Variants in TBPL2 observed in about 807,000 individuals in gnomAD.
The protein encoded by TBPL2 is TATA box-binding protein-like 2.
Under a neutral mutation model 38.2 loss-of-function variants are expected in TBPL2, and 40 were observed. The ratio of observed to expected loss-of-function variants is 1.05; its 90% confidence interval spans 0.81 to 1.36. The LOEUF (loss-of-function observed/expected upper bound fraction) is 1.36, where lower values mean the gene tolerates loss of function less well. TBPL2 is among the 40% of genes most tolerant of loss of function. TBPL2 has a pLI of 0.00. For missense variants in TBPL2, 461 were observed against 456.7 expected, an observed-to-expected ratio of 1.01 and a Z score of -0.09; for synonymous variants, 169 against 171.7, an observed-to-expected ratio of 0.98 and a Z score of 0.12.
At chr14:55,436,254 G>A (rs1220110784) in intron 2 of TBPL2, among the ~76,000 whole-genome samples, 7 of 152,036 alleles carry the variant, frequency 4.6e-5, no homozygotes, top group Non-Finnish European at 1.0e-4. Context: ...TATATCCTTG[G>A]TGTTTATCCA....
rs561227669 is a variant in TBPL2 at position 55,426,197 on chromosome 14, G to A, written c.957-1944C>T. Among the ~76,000 whole-genome samples, 5 of 151,944 alleles carry A rather than the reference G, an allele frequency of 3.3e-5. No homozygotes were observed. The East Asian group carries it at 9.7e-4, about 29-fold the overall frequency. Reference sequence around the variant, plus strand: ...CAGGAGAATCACTTGAACCCTGGGGGGTGGAGGTTGCAGTGAGCTGAAATC... The same window carrying A: ...CAGGAGAATCACTTGAACCCTGGGGAGTGGAGGTTGCAGTGAGCTGAAATC... On this transcript the variant is annotated intron_variant, in intron 5 of 6. Coordinates refer to ENST00000247219, the Ensembl canonical transcript of TBPL2.
At chr14:55,416,181 A>G (rs771737584) in intron 6 of TBPL2, among the ~76,000 whole-genome samples, 1 of 152,232 alleles carries the variant, frequency 6.6e-6, no homozygotes, top group African/African-American at 2.4e-5. Flanking sequence ...TATATTCACA[A>G]TACACAACCA....
In TBPL2 at chr14:55,440,398, G is replaced by A. The variant is rs779888445; in HGVS notation, c.148C>T (p.Gln50Ter). 6.2e-7 allele frequency: 1 copy of A among 1,612,934 alleles called. No individual in the cohort carries two copies. Among genetic ancestry groups the A allele is most frequent in the African/African-American group, 1.3e-5 (1 of 74,922 alleles). ...TGGGACAGTGGCGGCAGCCTCACCT[G>A]AGCGGCGCACTGGTCCAGGTAGAGC... The change falls in exon 1 of 7, where the codon CAG becomes TAG. Residue 50 changes from glutamine (Q) to a stop codon, truncating the protein, a stop_gained and splice_region_variant. Coordinates refer to ENST00000247219, the Ensembl canonical transcript of TBPL2. LOFTEE classifies it high-confidence loss of function.
intron 5 of TBPL2, among the ~76,000 whole-genome samples, chr14:55,427,769 A>G (rs1430920656): frequency 6.6e-6 from 1 of 152,014 alleles, no homozygotes; most frequent in African/African-American, 2.4e-5. Flanking sequence ...CAGGAAGGCT[A>G]GAGATATTCC....
At chr14:55,432,591 TAA>T (rs34358948) in intron 4 of TBPL2, among the ~76,000 whole-genome samples, 14 of 152,238 alleles carry the variant, frequency 9.2e-5, no homozygotes, top group Middle Eastern at 3.2e-3. Flanking sequence ...TCTGCACTTC[TAA>T]AAAGTTATTT....
At chr14:55,418,416 T>C (rs1885698145) in intron 6 of TBPL2, among the ~76,000 whole-genome samples, 1 of 152,248 alleles carries the variant, frequency 6.6e-6, no homozygotes, top group Non-Finnish European at 1.5e-5. Flanking sequence ...TAACTGCACA[T>C]ATTTTCCCGA....
In TBPL2 at chr14:55,428,937, G is replaced by GA; in HGVS notation, c.825dup (p.Arg276SerfsTer16). The GA allele has an allele frequency of 1.9e-6, 3 of 1,614,114 alleles. No individual in the cohort carries two copies. The highest frequency in any genetic ancestry group is 2.5e-6 in the Non-Finnish European group (3 of 1,180,008). On this transcript the variant is annotated frameshift_variant, in exon 5 of 7. Transcript: ENST00000247219. LOFTEE classifies it high-confidence loss of function. ...GGGAACCCAAGCTTCTGCACCACAC[G>GA]AGCATATTTTCTTGCTGCAAGTCGA...
chr14:55,419,188 C>T (rs1885708860), intron 6 of TBPL2, among the ~76,000 whole-genome samples: 1 of 152,244 alleles, frequency 6.6e-6, no homozygotes, highest in Admixed American at 6.5e-5. Flanking sequence ...GGCTCTGGAG[C>T]CTGGCTCCTC....
At chr14:55,425,169 T>A (rs1049811101) in intron 5 of TBPL2, among the ~76,000 whole-genome samples, 2 of 152,044 alleles carry the variant, frequency 1.3e-5, no homozygotes, top group Non-Finnish European at 2.9e-5. Context: ...TTGAAGTGAG[T>A]CTTGCCCATC....
intron 5 of TBPL2, among the ~76,000 whole-genome samples, chr14:55,425,480 T>C (rs1283887426): frequency 6.6e-6 from 1 of 152,224 alleles, no homozygotes; most frequent in African/African-American, 2.4e-5. Context: ...TTTAGAACCA[T>C]GGTTTTAAGA....
At chr14:55,415,372 A>C (rs1885652718) in intron 6 of TBPL2, among the ~76,000 whole-genome samples, 1 of 152,216 alleles carries the variant, frequency 6.6e-6, no homozygotes. Flanking sequence ...GGAACAAAAA[A>C]TGGCTCAGCT....
chr14:55,436,720 C>A (rs761446287), exon 2 of TBPL2: 2 of 1,614,184 alleles, frequency 1.2e-6, no homozygotes, highest in Admixed American at 3.3e-5. Context: ...ATTTGACAAA[C>A]TGCTGCTGTT....
chr14:55,415,321 T>C (rs140470374), intron 6 of TBPL2, among the ~76,000 whole-genome samples: 197 of 152,294 alleles, frequency 1.3e-3, no homozygotes, highest in Non-Finnish European at 2.4e-3. Context: ...ATAGCTTTAG[T>C]TGATAAAGAC....
At chr14:55,415,343 A>G (rs116916000) in intron 6 of TBPL2, among the ~76,000 whole-genome samples, 8 of 152,364 alleles carry the variant, frequency 5.3e-5, no homozygotes, top group Non-Finnish European at 1.2e-4. Flanking sequence ...CTTAAGAACT[A>G]TAAAGTACAT....
chr14:55,439,808 G>A (rs1005640020), intron 1 of TBPL2, among the ~76,000 whole-genome samples: 2 of 151,398 alleles, frequency 1.3e-5, no homozygotes, highest in African/African-American at 2.4e-5. Context: ...GCGGGCTCCT[G>A]TAGTCCCAGC....
At chr14:55,429,802 AAAAAAT>A (rs1885895850) in intron 4 of TBPL2, among the ~76,000 whole-genome samples, 1 of 151,686 alleles carries the variant, frequency 6.6e-6, no homozygotes, top group African/African-American at 2.4e-5. Flanking sequence ...AAACAACAAG[AAAAAAT>A]AAGGACACAT....
intron 6 of TBPL2, among the ~76,000 whole-genome samples, chr14:55,418,973 CCA>C (rs1465828035): frequency 6.6e-6 from 1 of 152,222 alleles, no homozygotes; most frequent in Non-Finnish European, 1.5e-5. Context: ...CTCACCAAGG[CCA>C]CACAGTCAAT....
At chr14:55,436,567 T>G in exon 2 of TBPL2, 1 of 1,613,370 alleles carries the variant, frequency 6.2e-7, no homozygotes, top group Non-Finnish European at 8.5e-7. Context: ...TTACTGTAGT[T>G]GAGGTACAAT....
rs563210924 is a variant in TBPL2 at position 55,423,135 on chromosome 14, T to C, written c.1051+1024A>G. ...TTTACAAGAGACAAAATGCTATTTATTGGATGTGTTGAAAAATGGTCGATT... is the reference window on the plus strand; with the variant it reads ...TTTACAAGAGACAAAATGCTATTTACTGGATGTGTTGAAAAATGGTCGATT... On this transcript the variant is annotated intron_variant, in intron 6 of 6. Transcript: ENST00000247219. 4.6e-5 allele frequency among the ~76,000 whole-genome samples: 7 copies of C among 152,320 alleles called. No homozygotes were observed. In the South Asian group the frequency reaches 1.5e-3, roughly 32 times the overall value.
Sources: gnomAD v4.1 joint callset for allele counts (sites outside exome capture counted in the v4.1 genomes callset) on GRCh38, gnomAD v4.1.1 for gene constraint, MANE v1.5 for transcripts, NCBI Gene and HGNC (gene_info 2026-07-23, HGNC 2026-07-21) for gene names.